EXT1: variants seen among roughly 807,000 people sequenced by gnomAD.
The protein encoded by EXT1 is exostosin glycosyltransferase 1.
Under a neutral mutation model 82.5 loss-of-function variants are expected in EXT1, and 20 were observed. The ratio of observed to expected loss-of-function variants is 0.24; its 90% CI spans 0.17 to 0.35. The LOEUF (loss-of-function observed/expected upper bound fraction) is 0.35, where lower values mean the gene tolerates loss of function less well. Among genes scored for constraint, EXT1 ranks in the 10% least tolerant of loss-of-function variants. The pLI is 1.00. For missense variants in EXT1, 757 were observed against 936.5 expected (o/e 0.81, Z 2.50); for synonymous variants, 348 against 350.8 (o/e 0.99, Z 0.09).
intron 1 of EXT1, among the ~76,000 whole-genome samples, chr8:117,992,003 C>A (rs1447105724): frequency 2.6e-5 from 4 of 152,204 alleles, no homozygotes; most frequent in Admixed American, 2.6e-4. Flanking sequence ...ACACTCTCCA[C>A]GTCCATATCA....
intron 1 of EXT1, among the ~76,000 whole-genome samples, chr8:117,924,059 T>A (rs1260053110): frequency 6.6e-6 from 1 of 152,250 alleles, no homozygotes; most frequent in Non-Finnish European, 1.5e-5. Flanking sequence ...GGAATTCGTA[T>A]CACGTGGGAG....
At chr8:117,961,194 G>A (rs1258999558) in intron 1 of EXT1, among the ~76,000 whole-genome samples, 2 of 148,614 alleles carry the variant, frequency 1.3e-5, no homozygotes, top group African/African-American at 5.0e-5. Context: ...TTTTTAACAG[G>A]CAAAGTCTTG....
At position 117,947,798 on chromosome 8, in the gene EXT1, T is replaced by C. The variant is rs74762865; in HGVS notation, c.963-110597A>G. Among the ~76,000 whole-genome samples the C allele has an allele frequency of 5.8e-3, 885 of 152,300 alleles. 2 individuals are homozygous for C. The highest frequency in any genetic ancestry group is 8.6e-3 in the Non-Finnish European group (585 of 68,018). ...AACAAAAGCAAGGACACAACCCTATTGGAAGCAAAAACACAGAGTGCAAGT... is the reference window on the plus strand; with the variant it reads ...AACAAAAGCAAGGACACAACCCTATCGGAAGCAAAAACACAGAGTGCAAGT... On this transcript the variant is annotated intron_variant, in intron 1 of 10. Transcript: ENST00000378204.
intron 1 of EXT1, among the ~76,000 whole-genome samples, chr8:118,073,687 GAGAAGAGAAGAGAAGAGA>G (rs763344640): frequency 0.013 from 1,921 of 146,856 alleles, 28 homozygotes; most frequent in Middle Eastern, 0.095. Context: ...GAGAAGAGAA[GAGAAGAGAAGAGAAGAGA>G]AGCCTCTTAA....
At chr8:118,003,893 A>G (rs1230601818) in intron 1 of EXT1, among the ~76,000 whole-genome samples, 1 of 152,186 alleles carries the variant, frequency 6.6e-6, no homozygotes, top group East Asian at 1.9e-4. Flanking sequence ...ACTTTTCTAC[A>G]CTTTTGCTTT....
chr8:117,940,874 G>A (rs1457896478), intron 1 of EXT1, among the ~76,000 whole-genome samples: 1 of 152,114 alleles, frequency 6.6e-6, no homozygotes, highest in African/African-American at 2.4e-5. Context: ...ATCTTGCAGG[G>A]GAAATGCCTG....
At position 117,919,231 on chromosome 8, in the gene EXT1, A is replaced by C. The variant is rs1385733817; in HGVS notation, c.963-82030T>G. Among the ~76,000 whole-genome samples the C allele has an allele frequency of 1.3e-3, 191 of 151,954 alleles. 1 individual carries two copies. Among genetic ancestry groups the C allele is most frequent in the Non-Finnish European group, 8.8e-5 (6 of 67,958 alleles). ...GAGACAAGGTGTCATTTTGTCACCC[A>C]GGCTGGAGTGGTGGTGTGATCACAT... is the stretch of plus-strand genomic sequence containing the variant. On this transcript the variant is annotated intron_variant, in intron 1 of 10. Coordinates refer to ENST00000378204, the MANE Select transcript of EXT1 (RefSeq NM_000127.3).
At chr8:117,930,042 T>C (rs927892438) in intron 1 of EXT1, among the ~76,000 whole-genome samples, 5 of 151,648 alleles carry the variant, frequency 3.3e-5, no homozygotes, top group African/African-American at 1.2e-4. Context: ...GAGGCGGAGG[T>C]TGCAGCAAGC....
chr8:117,844,827 C>A (rs114620468), intron 1 of EXT1, among the ~76,000 whole-genome samples: 2,212 of 152,196 alleles, frequency 0.015, 48 homozygotes, highest in African/African-American at 0.047. Context: ...TGCTTGGCGT[C>A]CCCAAGCAGG....
chr8:117,922,938 A>G lies in EXT1; in HGVS notation c.963-85737T>C, dbSNP rs1448874756. ...CCTTTCTAATGCTAGTACTGCCTGGATCCTGAGCAATTGTCCATGGGCAGT... is the reference window on the plus strand; with the variant it reads ...CCTTTCTAATGCTAGTACTGCCTGGGTCCTGAGCAATTGTCCATGGGCAGT... On this transcript the variant is annotated intron_variant, in intron 1 of 10. Coordinates refer to ENST00000378204, the MANE Select transcript of EXT1 (RefSeq NM_000127.3). Among the ~76,000 whole-genome samples, 3 of 152,232 alleles carry G rather than the reference A, an allele frequency of 2.0e-5. No homozygotes were observed. In the East Asian group the frequency reaches 5.8e-4, roughly 29 times the overall value.
chr8:117,860,281 A>G (rs1812658239), intron 1 of EXT1, among the ~76,000 whole-genome samples: 1 of 152,154 alleles, frequency 6.6e-6, no homozygotes, highest in South Asian at 2.1e-4. Flanking sequence ...GTTCTCACTC[A>G]GAAGTGGGAG....
chr8:117,871,178 T>A (rs1812863289), intron 1 of EXT1, among the ~76,000 whole-genome samples: 1 of 152,236 alleles, frequency 6.6e-6, no homozygotes, highest in Admixed American at 6.5e-5. Context: ...CTCCCATGGT[T>A]TTCTGATATA....
At chr8:117,884,162 G>A (rs1050239802) in intron 1 of EXT1, among the ~76,000 whole-genome samples, 1 of 152,164 alleles carries the variant, frequency 6.6e-6, no homozygotes. Flanking sequence ...ATCTGTTTAA[G>A]CATGAAAAGA....
chr8:118,071,895 T>C (rs1817101896), intron 1 of EXT1, among the ~76,000 whole-genome samples: 1 of 151,974 alleles, frequency 6.6e-6, no homozygotes, highest in Admixed American at 6.6e-5. Context: ...CAGCATCCTG[T>C]CCCATTTTAC....
intron 1 of EXT1, among the ~76,000 whole-genome samples, chr8:117,984,488 G>T (rs1586325190): frequency 6.6e-6 from 1 of 151,740 alleles, no homozygotes; most frequent in East Asian, 1.9e-4. Flanking sequence ...AAAGAGATGT[G>T]GCAATTAAGG....
intron 1 of EXT1, among the ~76,000 whole-genome samples, chr8:117,930,392 CAA>C (rs35269566): frequency 1.4e-5 from 2 of 145,724 alleles, no homozygotes; most frequent in African/African-American, 5.0e-5. Flanking sequence ...ATTCATATAT[CAA>C]AAAAAAAAAT....
In EXT1 at chr8:118,110,160, G is replaced by C; in HGVS notation, c.887C>G (p.Thr296Ser). Reference sequence around the variant, plus strand: ...CCAGTCTTTGCCATGCTTGCAGGTGGTGAGGAGCACAACGTCCTCCCCGTT... The same window carrying C: ...CCAGTCTTTGCCATGCTTGCAGGTGCTGAGGAGCACAACGTCCTCCCCGTT... ...VHNGEDVVLL[T>S]TCKHGKDWQK... Residue 296 changes from threonine to serine, a missense_variant, in exon 1 of 11, where the codon ACC (threonine) becomes AGC (serine). Thr to Ser is a moderately conservative substitution (Grantham distance 58). Transcript: ENST00000378204. 6.2e-7 allele frequency: 1 copy of C among 1,614,198 alleles called. No homozygotes were observed. The highest frequency in any genetic ancestry group is 8.5e-7 in the Non-Finnish European group (1 of 1,180,030).
intron 1 of EXT1, among the ~76,000 whole-genome samples, chr8:118,064,284 C>T (rs537189908): frequency 6.6e-6 from 1 of 152,154 alleles, no homozygotes; most frequent in East Asian, 1.9e-4. Flanking sequence ...TGCTCATCAA[C>T]CCATCATCTA....
intron 1 of EXT1, among the ~76,000 whole-genome samples, chr8:117,878,151 G>A (rs1370238458): frequency 6.6e-6 from 1 of 152,184 alleles, no homozygotes; most frequent in Non-Finnish European, 1.5e-5. Flanking sequence ...GCAGGCACCT[G>A]TAGTCTCAGC....
Sources: gnomAD v4.1 joint callset for allele counts (sites outside exome capture counted in the v4.1 genomes callset) on GRCh38, gnomAD v4.1.1 for gene constraint, MANE v1.5 for transcripts, NCBI Gene and HGNC (gene_info 2026-07-23, HGNC 2026-07-21) for gene names.